The following FN1 variants were observed in gnomAD, a reference collection of about 807,000 sequenced individuals.
The protein encoded by FN1 is fibronectin 1, also known as fibronectin.
A neutral mutation model predicts 297.3 loss-of-function variants in FN1; 106 were observed. The ratio of observed to expected loss-of-function variants is 0.36; its 90% confidence interval spans 0.30 to 0.42. FN1 has a LOEUF of 0.42. Ranked by LOEUF, FN1 falls within the 10% of genes least tolerant of loss-of-function variation. The pLI is 1.00. For synonymous variants in FN1, 1,149 were observed against 1,152.6 expected (o/e 1.00, Z 0.06); for missense variants, 2,690 against 3,124.9 (o/e 0.86, Z 3.32).
chr2:215,383,238 C>T, intron 31 of FN1, 90 bp downstream of exon 31: 1 of 1,324,074 alleles, frequency 7.6e-7, no homozygotes, highest in Non-Finnish European at 1.1e-6. Context: ...GAACTCCTAA[C>T]CTCAAGTGAT....
intron 20 of FN1, among the ~76,000 whole-genome samples, chr2:215,399,783 G>A (rs1329828379): frequency 1.3e-5 from 2 of 152,136 alleles, no homozygotes; most frequent in Admixed American, 6.6e-5. Context: ...TATATCGTCA[G>A]TGTAAAATCC....
chr2:215,412,782 T>TTTTTTTTTTTTTTTC (rs869251449), intron 13 of FN1, among the ~76,000 whole-genome samples: 1 of 134,552 alleles, frequency 7.4e-6, no homozygotes, highest in African/African-American at 2.7e-5. Context: ...TTTTTTTTTT[T>TTTTTTTTTTTTTTTC]ACTTCATCAG....
At chr2:215,390,353 T>A (rs192210520) in intron 26 of FN1, among the ~76,000 whole-genome samples, 186 of 152,070 alleles carry the variant, frequency 1.2e-3, no homozygotes, top group African/African-American at 4.3e-3. Context: ...CCCGGCTAAT[T>A]TTTGTATTTT....
In FN1 at chr2:215,365,597, A is replaced by C. The variant is rs963815872; in HGVS notation, c.7052T>G (p.Ile2351Ser). Residue 2351 changes from isoleucine (I) to serine (S), a missense_variant, in exon 43 of 46, where the codon ATT (isoleucine) becomes AGT (serine). Physicochemically the swap from Ile to Ser is moderately radical, Grantham distance 142. Around this residue, in one of 3 missense-constraint regions of FN1, gnomAD observed 1,743 missense variants for 1,945.2 expected, o/e 0.90. Transcript: ENST00000354785. ...WCHDNGVNYKIGEKWDRQGEN... is the reference protein window; with the variant it reads ...WCHDNGVNYKSGEKWDRQGEN... ...TCCCTGACGGTCCCACTTCTCTCCA[A>C]TCTTGTAGTTCACACCATTGTCATG... 6.2e-7 allele frequency: 1 copy of C among 1,613,906 alleles called. No homozygotes were observed. Among genetic ancestry groups the C allele is most frequent in the East Asian group, 2.2e-5 (1 of 44,860 alleles).
In FN1 at chr2:215,422,133, C is replaced by T; in HGVS notation, c.1504G>A (p.Gly502Ser). The change falls in exon 10 of 46, where the codon GGT becomes AGT. Residue 502 changes from glycine to serine, a missense_variant. Gly to Ser is a moderately conservative substitution (Grantham distance 56). Around this residue, in one of 3 missense-constraint regions of FN1, gnomAD observed 876 missense variants for 1,058.1 expected, o/e 0.83. Transcript: ENST00000354785. ...GCAATGCATGTCCATTCCCCACGAC[C>T]ATTCCCAACACACGTGCACCTCATC... ...HMMRCTCVGN[G>S]RGEWTCIAYS... 6.2e-7 allele frequency: 1 copy of T among 1,614,226 alleles called. No individual in the cohort carries two copies. The highest frequency in any genetic ancestry group is 1.3e-5 in the African/African-American group (1 of 75,054).
At position 215,372,350 on chromosome 2, in the gene FN1, AAGGGTTACC is replaced by A; in HGVS notation, c.6264_6272del (p.Val2089_Leu2091del). The A allele has an allele frequency of 6.2e-7, 1 of 1,614,168 alleles. No individual in the cohort carries two copies. The highest frequency in any genetic ancestry group is 1.1e-5 in the South Asian group (1 of 91,090). ...CTGGTCCATGAAGATTGGGGTGTGG[AAGGGTTACC>A]AGTTGGGGAAGCTCGTCTAGCCGAG... On this transcript the variant is annotated inframe_deletion, in exon 40 of 46. Transcript: ENST00000354785.
intron 34 of FN1, 43 bp from the exon 35 acceptor site, chr2:215,378,305 C>G (rs763656289): frequency 1.8e-5 from 19 of 1,075,152 alleles, no homozygotes; most frequent in Non-Finnish European, 2.6e-5. Context: ...ACGTCCTCAA[C>G]TGAAACCCAA....
chr2:215,387,133 T>G (rs544615577), intron 27 of FN1, among the ~76,000 whole-genome samples, 175 bp from the exon 28 acceptor site: 1 of 152,202 alleles, frequency 6.6e-6, no homozygotes, highest in Non-Finnish European at 1.5e-5. Context: ...AAGCTACATA[T>G]GAATTTTAAA....
At chr2:215,390,209 G>T (rs922353295) in intron 26 of FN1, among the ~76,000 whole-genome samples, 1 of 152,016 alleles carries the variant, frequency 6.6e-6, no homozygotes, top group African/African-American at 2.4e-5. Flanking sequence ...TTTGAGACAG[G>T]GTCTCACTCT....
At chr2:215,388,363 G>A (rs2059292571) in intron 26 of FN1, 62 bp from the exon 27 acceptor site, 3 of 1,155,546 alleles carry the variant, frequency 2.6e-6, no homozygotes, top group Admixed American at 3.4e-5. Context: ...ACTAAAGCAC[G>A]CCCAGGACTA....
At chr2:215,379,456 A>C (rs1014778630) in intron 33 of FN1, 139 bp from the exon 34 acceptor site, 1 of 595,726 alleles carries the variant, frequency 1.7e-6, no homozygotes, top group Non-Finnish European at 3.0e-6. Flanking sequence ...TCAGTACAAG[A>C]AAGTACGTAC....
intron 10 of FN1, among the ~76,000 whole-genome samples, chr2:215,421,763 A>G (rs778203875): frequency 1.3e-5 from 2 of 152,236 alleles, no homozygotes; most frequent in African/African-American, 2.4e-5. Flanking sequence ...AAATTATCCT[A>G]TCTTTTCTAG....
chr2:215,371,157 A>C (rs2055992799), intron 40 of FN1, among the ~76,000 whole-genome samples: 1 of 152,006 alleles, frequency 6.6e-6, no homozygotes, highest in Non-Finnish European at 1.5e-5. Context: ...AATCCCAGCT[A>C]TTTGGGAGGC....
intron 44 of FN1, 71 bp from the exon 45 acceptor site, chr2:215,362,150 G>A (rs2053593735): frequency 2.5e-6 from 3 of 1,201,424 alleles, no homozygotes; most frequent in Non-Finnish European, 3.7e-6. Context: ...TAGTGTTTGA[G>A]TTAAAGAAAA....
chr2:215,400,511 G>C (rs1413201679), intron 20 of FN1, among the ~76,000 whole-genome samples: 2 of 151,842 alleles, frequency 1.3e-5, no homozygotes, highest in Non-Finnish European at 2.9e-5. Context: ...CAGCACTTTG[G>C]GAGGCTGATG....
Position 215,393,021 on chromosome 2 carries a change from C to A in FN1, c.3979G>T (p.Gly1327Trp). The change falls in exon 25 of 46, where the codon GGG (glycine) becomes TGG (tryptophan). Residue 1327 changes from glycine (G) to tryptophan (W), a missense_variant. Around this residue, in one of 3 missense-constraint regions of FN1, gnomAD observed 1,743 missense variants for 1,945.2 expected, o/e 0.90. Transcript: ENST00000354785. ...DSSVGYYTVTGLEPGIDYDIS... is the reference protein window; with the variant it reads ...DSSVGYYTVTWLEPGIDYDIS... ...TCATAGTCAATGCCCGGCTCCAGCC[C>A]TGTGACTGTGTAGTATCCTACTGAG... is the stretch of plus-strand genomic sequence containing the variant. 1.9e-6 allele frequency: 3 copies of A among 1,614,042 alleles called. No individual in the cohort carries two copies. Among genetic ancestry groups the A allele is most frequent in the Non-Finnish European group, 1.7e-6 (2 of 1,180,026 alleles).
At chr2:215,407,905 A>C (rs1248734568) in intron 17 of FN1, among the ~76,000 whole-genome samples, 1 of 150,068 alleles carries the variant, frequency 6.7e-6, no homozygotes, top group African/African-American at 2.5e-5. Context: ...GAGTTGGTGA[A>C]ATGGTTTCAA....
chr2:215,409,813 T>C lies in FN1; in HGVS notation c.2123-74A>G, dbSNP rs2062325339. 3.8e-6 allele frequency: 6 copies of C among 1,598,600 alleles called. No individual in the cohort carries two copies. The African/African-American group carries it at 8.0e-5, about 21-fold the overall frequency. On this transcript the variant is annotated intron_variant, in intron 14 of 45. Coordinates refer to ENST00000354785, the MANE Select transcript of FN1 (RefSeq NM_212482.4). ...TTTACCGTCCTCGTCGCCAACATCATTTTAAAAAACGTTGGTGCCCCTCCT... is the reference window on the plus strand; with the variant it reads ...TTTACCGTCCTCGTCGCCAACATCACTTTAAAAAACGTTGGTGCCCCTCCT...
In FN1 at chr2:215,422,298, T is replaced by C. The variant is rs143764316; in HGVS notation, c.1394-55A>G. The stretch of plus-strand genomic sequence containing the variant: ...GATAAATGATCACCAGGTCTAAACA[T>C]GTATGTGTGCAAAAGGATCAGTTCA... On this transcript the variant is annotated intron_variant, in intron 9 of 45. Coordinates refer to ENST00000354785, the MANE Select transcript of FN1 (RefSeq NM_212482.4). The C allele has an allele frequency of 0.013, 19,981 of 1,520,284 alleles. 203 individuals are homozygous for C. The highest frequency in any genetic ancestry group is 0.019 in the Middle Eastern group (110 of 5,892). The allele number at this position is 1,520,284 out of a possible 1,614,324, so 94.2% of individuals were successfully genotyped here.
Sources: allele counts gnomAD v4.1 joint callset (sites outside exome capture counted in the v4.1 genomes callset), GRCh38; gene constraint gnomAD v4.1.1; regional missense constraint gnomAD v4.1.1; transcripts MANE v1.5; gene names NCBI Gene and HGNC (gene_info 2026-07-23, HGNC 2026-07-21).